The following ARHGEF4 variants were observed in gnomAD, a reference collection of about 807,000 sequenced individuals.
ARHGEF4 encodes the protein Rho guanine nucleotide exchange factor 4, also known as APC-stimulated guanine nucleotide exchange factor 1.
Under a neutral mutation model 162.0 loss-of-function variants are expected in ARHGEF4, and 119 were observed. That is an observed-to-expected ratio of 0.73 (90% CI 0.63 to 0.86). The LOEUF is 0.86. Ranked by LOEUF, ARHGEF4 falls within the 40% of genes least tolerant of loss-of-function variation. The pLI is 0.00. For missense variants in ARHGEF4, 2,488 were observed against 2,456.0 expected, an observed-to-expected ratio of 1.01 and a Z score of -0.28; for synonymous variants, 1,014 against 979.9, an observed-to-expected ratio of 1.03 and a Z score of -0.65.
intron 1 of ARHGEF4, among the ~76,000 whole-genome samples, chr2:130,891,441 T>C (rs1385601159): frequency 6.6e-6 from 1 of 152,238 alleles, no homozygotes; most frequent in African/African-American, 2.4e-5. Flanking sequence ...CCTTAGGCTC[T>C]GCTGACTGTG....
chr2:130,836,974 C>A lies in ARHGEF4; in HGVS notation c.21C>A (p.Phe7Leu), dbSNP rs1680237971. 8.2e-7 allele frequency: 1 copy of A among 1,226,966 alleles called. No individual in the cohort carries two copies. Among genetic ancestry groups the A allele is most frequent in the East Asian group, 3.2e-5 (1 of 31,370 alleles). The allele number at this position is 1,226,966 out of a possible 1,614,324, so 76.0% of individuals were successfully genotyped here. A position where few individuals can be genotyped will look rare whatever the true frequency, so the allele number is the denominator to read the frequency against. MLSVVH[F>L]LRSFFKTPEP... is the part of the protein sequence containing the mutation. ...CCACCATGCTCAGCGTCGTGCACTT[C>A]CTCCGGAGCTTCTTCAAGGTGAGAG... Residue 7 changes from phenylalanine (F) to leucine (L), a missense_variant, in exon 1 of 14, where the codon TTC (phenylalanine) becomes TTA (leucine). Around this residue, in one of 6 missense-constraint regions of ARHGEF4, gnomAD observed 171 missense variants for 169.4 expected, o/e 1.01. Transcript: ENST00000409359.
At chr2:130,949,547 G>A (rs1338212853) in intron 4 of ARHGEF4, among the ~76,000 whole-genome samples, 1 of 151,916 alleles carries the variant, frequency 6.6e-6, no homozygotes, top group Non-Finnish European at 1.5e-5. Context: ...GTAGAGACAG[G>A]GTTTCACTGT....
At chr2:130,888,098 A>C (rs1315035621) in intron 1 of ARHGEF4, among the ~76,000 whole-genome samples, 1 of 151,992 alleles carries the variant, frequency 6.6e-6, no homozygotes, top group East Asian at 1.9e-4. Context: ...CTTTTGTATT[A>C]ATGTTGCTGT....
At chr2:131,025,622 T>G (rs1232928152) in intron 4 of ARHGEF4, among the ~76,000 whole-genome samples, 1 of 152,236 alleles carries the variant, frequency 6.6e-6, no homozygotes, top group Non-Finnish European at 1.5e-5. Flanking sequence ...TCCATCTGTT[T>G]ACTCATTTAT....
intron 1 of ARHGEF4, among the ~76,000 whole-genome samples, chr2:130,865,466 C>T (rs1682204438): frequency 6.6e-6 from 1 of 152,232 alleles, no homozygotes; most frequent in South Asian, 2.1e-4. Context: ...AATATCCTCT[C>T]AGGTCGTTCC....
At chr2:131,044,236 G>A (rs1329771364) in intron 11 of ARHGEF4, 63 bp from the exon 12 acceptor site, 2 of 1,588,218 alleles carry the variant, frequency 1.3e-6, no homozygotes, top group Non-Finnish European at 1.7e-6. Context: ...GAGGAGGTGG[G>A]AGCAGCCAGG....
Position 131,041,288 on chromosome 2 carries a change from A to G in ARHGEF4, c.4721A>G (p.Glu1574Gly). ...AATAACCACCCCAACGCCTGCGTGGAGCTCTCCCGGCTCACCAAGCTCAGC... is the reference window on the plus strand; with the variant it reads ...AATAACCACCCCAACGCCTGCGTGGGGCTCTCCCGGCTCACCAAGCTCAGC... Reference protein sequence around the residue: ...YCNNHPNACVELSRLTKLSKY... With the variant: ...YCNNHPNACVGLSRLTKLSKY... The change falls in exon 9 of 14, where the codon GAG becomes GGG. Residue 1574 changes from glutamate to glycine, a missense_variant. Around this residue, in one of 6 missense-constraint regions of ARHGEF4, gnomAD observed 415 missense variants for 512.4 expected, o/e 0.81. Transcript: ENST00000409359. 6.2e-7 allele frequency: 1 copy of G among 1,613,892 alleles called. No individual in the cohort carries two copies. Among genetic ancestry groups the G allele is most frequent in the Non-Finnish European group, 8.5e-7 (1 of 1,180,034 alleles).
At chr2:130,840,296 C>T (rs948409902) in intron 1 of ARHGEF4, among the ~76,000 whole-genome samples, 2 of 152,108 alleles carry the variant, frequency 1.3e-5, no homozygotes, top group African/African-American at 4.8e-5. Context: ...AGCTTCAGTC[C>T]GGTAGGGAGG....
At chr2:130,873,035 G>A (rs1189497440) in intron 1 of ARHGEF4, among the ~76,000 whole-genome samples, 3 of 152,242 alleles carry the variant, frequency 2.0e-5, no homozygotes, top group Non-Finnish European at 4.4e-5. Context: ...CCAAGGCAGG[G>A]CTGTGGGCAC....
At chr2:130,926,024 C>CTTTCTTTCTTTCTT (rs1682237610) in intron 2 of ARHGEF4, among the ~76,000 whole-genome samples, 1 of 103,690 alleles carries the variant, frequency 9.6e-6, no homozygotes, top group East Asian at 2.4e-4. Context: ...CTCTTTCTTT[C>CTTTCTTTCTTTCTT]TTTCTTTCTT....
chr2:130,849,629 C>T (rs552347023), intron 1 of ARHGEF4, among the ~76,000 whole-genome samples: 215 of 150,934 alleles, frequency 1.4e-3, no homozygotes, highest in African/African-American at 4.8e-3. Context: ...AGTGCAGTGG[C>T]GCGATCTCAG....
At chr2:130,932,760 G>T (rs911049646) in intron 3 of ARHGEF4, among the ~76,000 whole-genome samples, 3 of 151,684 alleles carry the variant, frequency 2.0e-5, no homozygotes, top group Non-Finnish European at 4.4e-5. Context: ...TATACCTTTC[G>T]CTTTTAAATT....
chr2:130,852,236 C>A (rs1002678790), intron 1 of ARHGEF4, among the ~76,000 whole-genome samples: 1 of 152,144 alleles, frequency 6.6e-6, no homozygotes, highest in Admixed American at 6.5e-5. Context: ...TGGCCCACAG[C>A]GACAGCGTCA....
rs771805939 is a variant in ARHGEF4, at chr2:131,038,846, T to C, written c.4126-7T>C. Reference sequence around the variant, plus strand: ...ACTGACCCGCCTGCCCGTGGCTCTCTCGGCAGCTCATCAGCGATGGCAGTG... The same window carrying C: ...ACTGACCCGCCTGCCCGTGGCTCTCCCGGCAGCTCATCAGCGATGGCAGTG... On this transcript the variant is annotated splice_polypyrimidine_tract_variant and splice_region_variant and intron_variant, in intron 5 of 13. Transcript: ENST00000409359. The C allele has an allele frequency of 3.8e-6, 6 of 1,599,968 alleles. No individual in the cohort carries two copies. The highest frequency in any genetic ancestry group is 4.5e-5 in the East Asian group (2 of 44,552).
chr2:130,946,212 G>A (rs1270426264), intron 3 of ARHGEF4, among the ~76,000 whole-genome samples: 1 of 152,200 alleles, frequency 6.6e-6, no homozygotes, highest in Admixed American at 6.5e-5. Context: ...ATATCAGGCT[G>A]TGTGGCTCAC....
In ARHGEF4 at chr2:131,039,351, G is replaced by A. The variant is rs192547380; in HGVS notation, c.4305+319G>A. On this transcript the variant is annotated intron_variant, in intron 6 of 13. Transcript: ENST00000409359. ...CAAGCCCTGAAGAGCACTGATAGGGGACTGCTCACCTCACACACAGCCCCG... is the reference window on the plus strand; with the variant it reads ...CAAGCCCTGAAGAGCACTGATAGGGAACTGCTCACCTCACACACAGCCCCG... 255 of 1,141,574 alleles carry A rather than the reference G, an allele frequency of 2.2e-4. 1 individual carries two copies. In the African/African-American group the frequency reaches 3.7e-3, roughly 17 times the overall value. 70.7% of individuals were successfully genotyped at this position (1,141,574 alleles called of 1,614,324 possible). A position where few individuals can be genotyped will look rare whatever the true frequency, so the allele number is the denominator to read the frequency against.
Position 131,043,407 on chromosome 2 carries a change from C to T in ARHGEF4, c.5026-45C>T, listed in dbSNP as rs763343253. The T allele has an allele frequency of 2.5e-5, 40 of 1,609,562 alleles. No individual in the cohort carries two copies. In the Middle Eastern group the frequency reaches 4.9e-4, roughly 20 times the overall value. On this transcript the variant is annotated intron_variant, in intron 10 of 13. Transcript: ENST00000409359. ...TGATGGGGGCAGGAAGTGGAGCCCA[C>T]GGTTGGGTATGCGAGGCTCATGGTT...
intron 3 of ARHGEF4, among the ~76,000 whole-genome samples, chr2:130,935,339 C>G (rs1001079505): frequency 2.0e-5 from 3 of 151,930 alleles, no homozygotes; most frequent in African/African-American, 7.2e-5. Context: ...CACCTGGCCT[C>G]TATTGTTTTT....
At chr2:130,871,254 G>T (rs943604032) in intron 1 of ARHGEF4, among the ~76,000 whole-genome samples, 2 of 152,180 alleles carry the variant, frequency 1.3e-5, no homozygotes, top group African/African-American at 4.8e-5. Flanking sequence ...CTTTCAAAGA[G>T]GCTGGGCGCA....
Sources: gnomAD v4.1 joint callset for allele counts (sites outside exome capture counted in the v4.1 genomes callset) on GRCh38, gnomAD v4.1.1 for gene constraint, gnomAD v4.1.1 regional missense constraint, MANE v1.5 for transcripts, NCBI Gene and HGNC (gene_info 2026-07-23, HGNC 2026-07-21) for gene names.